The following PLPP3 variants were observed in gnomAD, a reference collection of about 807,000 sequenced individuals.
PLPP3 encodes phospholipid phosphatase 3.
In PLPP3, 6 loss-of-function variants were observed where a neutral mutation model predicts 29.6. That is an observed-to-expected ratio of 0.20 (90% CI 0.11 to 0.40). The LOEUF is 0.40. Ranked by LOEUF, PLPP3 falls within the 10% of genes least tolerant of loss-of-function variation. PLPP3 has a pLI of 1.00. For missense variants in PLPP3, 308 were observed against 407.7 expected, an observed-to-expected ratio of 0.76 and a Z score of 2.11; for synonymous variants, 152 against 159.7, an observed-to-expected ratio of 0.95 and a Z score of 0.36.
chr1:56,561,600 A>G (rs1196359138), intron 1 of PLPP3, among the ~76,000 whole-genome samples: 1 of 152,132 alleles, frequency 6.6e-6, no homozygotes, highest in East Asian at 1.9e-4. Context: ...CTTCTTGTTT[A>G]TATTTTATAA....
At chr1:56,535,893 T>C (rs1209683797) in intron 2 of PLPP3, among the ~76,000 whole-genome samples, 3 of 152,184 alleles carry the variant, frequency 2.0e-5, no homozygotes, top group Non-Finnish European at 4.4e-5. Flanking sequence ...ACAGCAATCC[T>C]CTTGAGGGAA....
chr1:56,505,009 C>A (rs1406147371), intron 5 of PLPP3, among the ~76,000 whole-genome samples: 2 of 152,198 alleles, frequency 1.3e-5, no homozygotes, highest in African/African-American at 4.8e-5. Context: ...AAGGGCAAGT[C>A]TTATTTTGTG....
At chr1:56,516,034 T>G (rs1292181502) in intron 4 of PLPP3, among the ~76,000 whole-genome samples, 1 of 152,170 alleles carries the variant, frequency 6.6e-6, no homozygotes, top group Non-Finnish European at 1.5e-5. Flanking sequence ...ACTCAATGAC[T>G]GTGGCAATTT....
chr1:56,543,955 A>C (rs528747105), intron 1 of PLPP3, among the ~76,000 whole-genome samples: 1 of 152,302 alleles, frequency 6.6e-6, no homozygotes, highest in East Asian at 1.9e-4. Flanking sequence ...AGTCCAACTC[A>C]ACAAACAAGT....
At chr1:56,529,969 A>ACT (rs1645876885) in intron 2 of PLPP3, among the ~76,000 whole-genome samples, 1 of 152,148 alleles carries the variant, frequency 6.6e-6, no homozygotes, top group African/African-American at 2.4e-5. Context: ...TGAAGAAGAG[A>ACT]GTCTGAGGCA....
intron 1 of PLPP3, among the ~76,000 whole-genome samples, chr1:56,557,816 T>G (rs1646095276): frequency 6.6e-6 from 1 of 152,180 alleles, no homozygotes; most frequent in Admixed American, 6.5e-5. Flanking sequence ...TGGAGAAACC[T>G]TATACTTCCT....
At chr1:56,562,777 A>G (rs1646139249) in intron 1 of PLPP3, among the ~76,000 whole-genome samples, 1 of 152,202 alleles carries the variant, frequency 6.6e-6, no homozygotes, top group South Asian at 2.1e-4. Flanking sequence ...TCAGCTCAGG[A>G]CACCTGGCCA....
chr1:56,536,632 T>C (rs766469088), intron 2 of PLPP3, among the ~76,000 whole-genome samples: 38 of 152,120 alleles, frequency 2.5e-4, no homozygotes, highest in Non-Finnish European at 4.7e-4. Context: ...AGCAGTTCAT[T>C]TGGACAGGTT....
At chr1:56,575,190 G>C (rs1294949494) in intron 1 of PLPP3, among the ~76,000 whole-genome samples, 1 of 152,116 alleles carries the variant, frequency 6.6e-6, no homozygotes, top group East Asian at 1.9e-4. Flanking sequence ...TCATTTTGCA[G>C]GTGGAAAAAA....
chr1:56,564,355 G>GTGGT (rs1296699422), intron 1 of PLPP3, among the ~76,000 whole-genome samples: 1 of 152,184 alleles, frequency 6.6e-6, no homozygotes, highest in Non-Finnish European at 1.5e-5. Flanking sequence ...TATTTTGCAT[G>GTGGT]TGGTGGTACT....
intron 2 of PLPP3, among the ~76,000 whole-genome samples, chr1:56,532,699 C>A (rs1645898198): frequency 6.6e-6 from 1 of 152,114 alleles, no homozygotes; most frequent in Admixed American, 6.6e-5. Context: ...TATCTTTTGA[C>A]CTAATGCTTT....
At chr1:56,523,703 A>C in intron 4 of PLPP3, 120 bp downstream of exon 4, 1 of 1,117,460 alleles carries the variant, frequency 8.9e-7, no homozygotes, top group South Asian at 1.4e-5. Flanking sequence ...TTTTCTAGCT[A>C]ACCTCTTTTT....
chr1:56,518,713 ATT>A (rs200483478), intron 4 of PLPP3, among the ~76,000 whole-genome samples: 3,733 of 123,180 alleles, frequency 0.03, 111 homozygotes, highest in South Asian at 0.1. Context: ...TTTTTTAATC[ATT>A]TATATATATA....
chr1:56,500,509 AG>A (rs1645659943), intron 5 of PLPP3, among the ~76,000 whole-genome samples: 1 of 152,184 alleles, frequency 6.6e-6, no homozygotes, highest in Non-Finnish European at 1.5e-5. Context: ...AAGGTACAGG[AG>A]AAAGGGAGTA....
chr1:56,573,992 G>A (rs192546228), intron 1 of PLPP3, among the ~76,000 whole-genome samples: 5 of 152,208 alleles, frequency 3.3e-5, no homozygotes, highest in African/African-American at 1.2e-4. Context: ...ACAAAGTCAG[G>A]AGATCGAGAC....
At chr1:56,528,146 CA>C (rs1361690586) in intron 2 of PLPP3, among the ~76,000 whole-genome samples, 1 of 152,178 alleles carries the variant, frequency 6.6e-6, no homozygotes, top group Non-Finnish European at 1.5e-5. Context: ...GGCTGCCAGG[CA>C]AGCAGAGAAT....
chr1:56,497,693 A>C (rs2100215327), intron 5 of PLPP3, among the ~76,000 whole-genome samples: 1 of 152,340 alleles, frequency 6.6e-6, no homozygotes, highest in East Asian at 1.9e-4. Context: ...TAATGACAGC[A>C]CTGTGGTTTC....
chr1:56,497,459 C>T (rs1269496176), intron 5 of PLPP3, among the ~76,000 whole-genome samples: 1 of 152,182 alleles, frequency 6.6e-6, no homozygotes, highest in Non-Finnish European at 1.5e-5. Flanking sequence ...AAAATTTATG[C>T]TTTGTATTAG....
intron 1 of PLPP3, among the ~76,000 whole-genome samples, chr1:56,557,073 AGAAAAAAT>A (rs1646088575): frequency 7.4e-6 from 1 of 135,272 alleles, no homozygotes; most frequent in Non-Finnish European, 1.6e-5. Context: ...AAAGAAAGAA[AGAAAAAAT>A]GAGAGAGAGA....
Sources: allele counts gnomAD v4.1 joint callset (sites outside exome capture counted in the v4.1 genomes callset), GRCh38; gene constraint gnomAD v4.1.1; transcripts MANE v1.5; gene names NCBI Gene and HGNC (gene_info 2026-07-23, HGNC 2026-07-21).